Variants in RGPD3 observed in about 807,000 individuals in gnomAD.
RGPD3 encodes the protein RANBP2 like and GRIP domain containing 3.
A neutral mutation model predicts 154.5 loss-of-function variants in RGPD3; 62 were observed. That is an observed-to-expected ratio of 0.40 (90% CI 0.33 to 0.50). RGPD3 has a LOEUF of 0.50. Among genes scored for constraint, RGPD3 ranks in the 20% least tolerant of loss-of-function variants. The probability of loss-of-function intolerance (pLI) is 0.59; values close to 1 mark genes in which losing one functional copy is unlikely to be tolerated. For synonymous variants in RGPD3, 308 were observed against 607.0 expected (o/e 0.51, Z 7.24); for missense variants, 919 against 1,716.8 (o/e 0.54, Z 8.21).
intron 7 of RGPD3, among the ~76,000 whole-genome samples, chr2:106,444,716 C>A (rs1254340289): frequency 6.7e-6 from 1 of 149,482 alleles, no homozygotes; most frequent in African/African-American, 2.5e-5. Context: ...GTCCCAGTAC[C>A]GAGCTGAGGC....
chr2:106,405,627 C>G (rs1294556055), intron 22 of RGPD3, among the ~76,000 whole-genome samples: 1 of 152,222 alleles, frequency 6.6e-6, no homozygotes, highest in Non-Finnish European at 1.5e-5. Context: ...CCTCCCACTT[C>G]AGCCTCACAG....
Position 106,424,220 on chromosome 2 carries a change from C to G in RGPD3, c.3747G>C (p.Trp1249Cys). The change falls in exon 20 of 23, where the codon TGG becomes TGC. Residue 1249 changes from tryptophan to cysteine, a missense_variant. Coordinates refer to ENST00000409886, the MANE Select transcript of RGPD3 (RefSeq NM_001144013.2). ...NAENTGPTLE[W>C]DNYDLREDAL... is the part of the protein sequence containing the mutation. ...CATCTTCCCTTAAATCATAGTTATC[C>G]CATTCTAATGTGGGCCCAGTGTTTT... is the stretch of plus-strand genomic sequence containing the variant. 6.2e-7 allele frequency: 1 copy of G among 1,611,934 alleles called. No individual in the cohort carries two copies. The highest frequency in any genetic ancestry group is 1.1e-5 in the South Asian group (1 of 90,972).
upstream of RGPD3, chr2:106,468,444 T>C: frequency 1.4e-6 from 2 of 1,431,488 alleles, no homozygotes; most frequent in African/African-American, 1.4e-5. Flanking sequence ...CAACAGTGTG[T>C]GGAACGTTGG....
At position 106,436,276 on chromosome 2, in the gene RGPD3, C is replaced by T. The variant is rs758364941; in HGVS notation, c.1635-30G>A. 11 of 1,611,598 alleles carry T rather than the reference C, an allele frequency of 6.8e-6. No individual in the cohort carries two copies. The South Asian group carries it at 8.8e-5, about 13-fold the overall frequency. On this transcript the variant is annotated intron_variant, in intron 11 of 22. Transcript: ENST00000409886. ...AAAATAGTTCAATTTACTAAAATTG[C>T]TTTCTAAATACACAGTTCAGCGCTT...
At position 106,468,300 on chromosome 2, in the gene RGPD3, C is replaced by T. The variant is rs911599549; in HGVS notation, c.-12G>A. The T allele has an allele frequency of 1.2e-6, 2 of 1,602,140 alleles. No individual in the cohort carries two copies. Among genetic ancestry groups the T allele is most frequent in the African/African-American group, 2.7e-5 (2 of 74,812 alleles). On this transcript the variant is annotated 5_prime_UTR_variant, in exon 1 of 23. Coordinates refer to ENST00000409886, the MANE Select transcript of RGPD3 (RefSeq NM_001144013.2). The stretch of plus-strand genomic sequence containing the variant: ...TTGCTGCAACTCATCGCGCCACCAA[C>T]CTGGCTCCCGAGATGCGTGAGACCA...
At chr2:106,418,084 C>T (rs1462476912) in intron 20 of RGPD3, among the ~76,000 whole-genome samples, 5 of 144,560 alleles carry the variant, frequency 3.5e-5, no homozygotes, top group African/African-American at 7.5e-5. Context: ...GCCAAGATCA[C>T]GCCACTGCAC....
intron 9 of RGPD3, among the ~76,000 whole-genome samples, chr2:106,437,966 C>T (rs554831670): frequency 3.9e-5 from 6 of 152,356 alleles, no homozygotes; most frequent in Admixed American, 2.0e-4. Context: ...AAGTCTCGCT[C>T]TGTCGCCCAG....
rs2104486454 is a variant in RGPD3, at chr2:106,441,493, T to C, written c.979-113A>G. 15 of 1,036,650 alleles carry C rather than the reference T, an allele frequency of 1.4e-5. 1 individual carries two copies. The Middle Eastern group carries it at 1.6e-3, about 110-fold the overall frequency. The allele number at this position is 1,036,650 out of a possible 1,614,324, so 64.2% of individuals were successfully genotyped here. On this transcript the variant is annotated intron_variant, in intron 7 of 22. Coordinates refer to ENST00000409886, the MANE Select transcript of RGPD3 (RefSeq NM_001144013.2). Reference sequence around the variant, plus strand: ...TTGATAATGAATGAACAGTTAACCATTAATTAAACTGAATTGGAAAAGACT... The same window carrying C: ...TTGATAATGAATGAACAGTTAACCACTAATTAAACTGAATTGGAAAAGACT...
rs1182206097 is a variant in RGPD3, at chr2:106,436,208, T to C, written c.1673A>G (p.His558Arg). 1.9e-6 allele frequency: 3 copies of C among 1,611,838 alleles called. No individual in the cohort carries two copies. The African/African-American group carries it at 4.0e-5, about 22-fold the overall frequency. Residue 558 changes from histidine to arginine, a missense_variant, in exon 12 of 23, where the codon CAT (histidine) becomes CGT (arginine). His to Arg is a conservative substitution (Grantham distance 29). Coordinates refer to ENST00000409886, the MANE Select transcript of RGPD3 (RefSeq NM_001144013.2). ...CTGGGCTCTTAGAGTGTTTATTTCATGCTGAACTAGAAGTCTCAATTTTGC... is the reference window on the plus strand; with the variant it reads ...CTGGGCTCTTAGAGTGTTTATTTCACGCTGAACTAGAAGTCTCAATTTTGC... ...NSAKLRLLVQ[H>R]EINTLRAQEK...
At chr2:106,462,171 G>A (rs1331383760) in intron 1 of RGPD3, among the ~76,000 whole-genome samples, 4 of 152,118 alleles carry the variant, frequency 2.6e-5, no homozygotes, top group Non-Finnish European at 5.9e-5. Flanking sequence ...GTCAGCCACG[G>A]AGCCCGGCCA....
intron 7 of RGPD3, among the ~76,000 whole-genome samples, chr2:106,442,513 G>T (rs1412165323): frequency 8.5e-6 from 1 of 117,304 alleles, no homozygotes; most frequent in Admixed American, 8.8e-5. Context: ...AAAAAAAAAA[G>T]CATGATGAAT....
intron 18 of RGPD3, among the ~76,000 whole-genome samples, chr2:106,426,731 A>G (rs1372668499): frequency 2.0e-5 from 3 of 152,266 alleles, no homozygotes; most frequent in African/African-American, 7.2e-5. Flanking sequence ...AAAACTACCA[A>G]TAGTCATTTG....
upstream of RGPD3, among the ~76,000 whole-genome samples, chr2:106,470,483 T>C (rs1246906361): frequency 6.6e-6 from 1 of 152,210 alleles, no homozygotes; most frequent in Non-Finnish European, 1.5e-5. Context: ...CAATCAACGA[T>C]GGTACTCTCT....
Position 106,424,108 on chromosome 2 carries a change from C to T in RGPD3, c.3859G>A (p.Glu1287Lys), listed in dbSNP as rs3898279. 324,640 of 1,559,454 alleles carry T rather than the reference C, an allele frequency of 0.21. 62,913 individuals are homozygous for T. The highest frequency in any genetic ancestry group is 0.24 in the South Asian group (20,655 of 87,786). The change falls in exon 20 of 23, where the codon GAG (glutamate) becomes AAG (lysine). Residue 1287 changes from glutamate (E) to lysine (K), a missense_variant. Transcript: ENST00000409886. ...PVRKNLFHFD[E>K]STTGSNFSFK... is the part of the protein sequence containing the mutation. ...CTGAAGTTAGATCCTGTTGTTGACT[C>T]ATCAAAGTGGAAAAGATTTTTTCTC... is the stretch of plus-strand genomic sequence containing the variant.
At chr2:106,466,875 G>GGCC (rs1156975546) in intron 1 of RGPD3, among the ~76,000 whole-genome samples, 5 of 86,914 alleles carry the variant, frequency 5.8e-5, no homozygotes, top group African/African-American at 2.0e-4. Context: ...GAGCCATCGA[G>GGCC]GCCGCCGCCG....
rs1464312532 is a variant in RGPD3, at chr2:106,424,799, A to C, written c.3168T>G (p.Gly1056=). The C allele has an allele frequency of 5.0e-6, 8 of 1,611,752 alleles. No homozygotes were observed. In the East Asian group the frequency reaches 1.8e-4, roughly 36 times the overall value. ...CCCCCTGTGAATACAGAACTTTTTC[A>C]CCTTCTTCTCCTGTTACAAGTTCTA... is the stretch of plus-strand genomic sequence containing the variant. ...EKVELVTGEE[G]EKVLYSQGVK... is the part of the protein sequence containing the mutation. The change falls in exon 20 of 23, where the codon GGT becomes GGG. Residue 1056 remains glycine, a synonymous_variant. Coordinates refer to ENST00000409886, the MANE Select transcript of RGPD3 (RefSeq NM_001144013.2).
In RGPD3 at chr2:106,424,269, T is replaced by C; in HGVS notation, c.3698A>G (p.Asp1233Gly). Residue 1233 changes from aspartate (D) to glycine (G), a missense_variant, in exon 20 of 23, where the codon GAC (aspartate) becomes GGC (glycine). Transcript: ENST00000409886. ...GSGTGAAGAS[D>G]TTIKPNAENT... is the part of the protein sequence containing the mutation. ...TTCAGCATTGGGTTTTATTGTTGTG[T>C]CTGAGGCACCGGCCGCACCTGTACC... 1 of 1,612,034 alleles carries C rather than the reference T, an allele frequency of 6.2e-7. No individual in the cohort carries two copies. The highest frequency in any genetic ancestry group is 1.7e-5 in the Admixed American group (1 of 60,022).
chr2:106,438,385 G>A (rs1677640435), intron 9 of RGPD3, among the ~76,000 whole-genome samples: 1 of 150,996 alleles, frequency 6.6e-6, no homozygotes, highest in African/African-American at 2.4e-5. Flanking sequence ...CTACTCAGGA[G>A]GCTGAGGCAA....
At chr2:106,465,013 G>A (rs1170099988) in intron 1 of RGPD3, among the ~76,000 whole-genome samples, 3 of 151,374 alleles carry the variant, frequency 2.0e-5, no homozygotes, top group Admixed American at 6.6e-5. Flanking sequence ...ATGTGAGGGA[G>A]TAGAAAAATG....
Sources: allele counts gnomAD v4.1 joint callset (sites outside exome capture counted in the v4.1 genomes callset), GRCh38; gene constraint gnomAD v4.1.1; transcripts MANE v1.5; gene names NCBI Gene and HGNC (gene_info 2026-07-23, HGNC 2026-07-21).